The following ACTR10 variants were observed in gnomAD, a reference collection of about 807,000 sequenced individuals.
The protein encoded by ACTR10 is actin-related protein 10.
In ACTR10, 43 loss-of-function variants were observed where a neutral mutation model predicts 56.2. That is an observed-to-expected ratio of 0.77 (90% CI 0.60 to 0.99). The LOEUF is 0.99. ACTR10 is among the 50% of genes least tolerant of loss of function. The pLI is 0.00. For missense variants in ACTR10, 466 were observed against 507.8 expected (o/e 0.92, Z 0.79); for synonymous variants, 170 against 176.3 (o/e 0.96, Z 0.28).
At chr14:58,221,268 C>T (rs1022058649) in intron 8 of ACTR10, among the ~76,000 whole-genome samples, 1 of 122,142 alleles carries the variant, frequency 8.2e-6, no homozygotes, top group Admixed American at 1.0e-4. Flanking sequence ...GGCAACAGAG[C>T]GAGACTCTGT....
chr14:58,205,606 C>T (rs1424188349), intron 2 of ACTR10, among the ~76,000 whole-genome samples: 2 of 152,090 alleles, frequency 1.3e-5, no homozygotes, highest in African/African-American at 2.4e-5. Context: ...TGAGCCACTG[C>T]GCTCGGCCCA....
intron 8 of ACTR10, among the ~76,000 whole-genome samples, chr14:58,222,303 G>A (rs1374227329): frequency 1.3e-5 from 2 of 151,994 alleles, no homozygotes; most frequent in South Asian, 2.1e-4. Flanking sequence ...GCAGCTTATT[G>A]TAAAAAATAC....
chr14:58,222,829 A>G (rs61028816), intron 8 of ACTR10, among the ~76,000 whole-genome samples: 56,040 of 147,990 alleles, frequency 0.38, 11,688 homozygotes, highest in Non-Finnish European at 0.48. Flanking sequence ...TATTAATTTT[A>G]TTTCTTTTTT....
intron 8 of ACTR10, among the ~76,000 whole-genome samples, 176 bp downstream of exon 8, chr14:58,219,905 G>T (rs1453205197): frequency 6.6e-6 from 1 of 152,020 alleles, no homozygotes; most frequent in Admixed American, 6.6e-5. Context: ...TCACACTTAG[G>T]GAAGCTGTGG....
intron 7 of ACTR10, among the ~76,000 whole-genome samples, chr14:58,218,839 T>A (rs936815721): frequency 9.8e-5 from 15 of 152,322 alleles, no homozygotes; most frequent in South Asian, 6.2e-4. Flanking sequence ...TATTATTATT[T>A]TTTGAGACGG....
intron 1 of ACTR10, among the ~76,000 whole-genome samples, chr14:58,201,790 G>C (rs1888709618): frequency 6.6e-6 from 1 of 152,160 alleles, no homozygotes; most frequent in African/African-American, 2.4e-5. Flanking sequence ...CTGACCACTT[G>C]AGCCCAGTAG....
At position 58,235,383 on chromosome 14, in the gene ACTR10, T is replaced by G. The variant is rs1281795241; in HGVS notation, c.*832T>G. The G allele has an allele frequency of 1.3e-5, 2 of 152,330 alleles. No individual in the cohort carries two copies. The highest frequency in any genetic ancestry group is 6.5e-5 in the Admixed American group (1 of 15,298). 9.4% of individuals were successfully genotyped at this position (152,330 alleles called of 1,614,324 possible). ...TTTGGTAACATAGTCAAGCATTTGT[T>G]AAGCCAAGTGTGGAAATGTTCACTT... On this transcript the variant is annotated 3_prime_UTR_variant, in exon 13 of 13. Coordinates refer to ENST00000254286, the MANE Select transcript of ACTR10 (RefSeq NM_018477.3).
chr14:58,210,041 A>G (rs182642145), intron 4 of ACTR10, among the ~76,000 whole-genome samples: 11 of 152,362 alleles, frequency 7.2e-5, no homozygotes, highest in East Asian at 3.9e-4. Flanking sequence ...TAAGGAGAAC[A>G]TAAAGCAAAA....
At chr14:58,222,789 T>C (rs1389671059) in intron 8 of ACTR10, among the ~76,000 whole-genome samples, 8 of 144,122 alleles carry the variant, frequency 5.6e-5, no homozygotes, top group African/African-American at 1.0e-4. Flanking sequence ...AAAAAAAAAT[T>C]GGCGTTGTGT....
intron 12 of ACTR10, among the ~76,000 whole-genome samples, chr14:58,233,202 T>C (rs1889588374): frequency 6.6e-6 from 1 of 152,174 alleles, no homozygotes; most frequent in Non-Finnish European, 1.5e-5. Context: ...CATTTTAATG[T>C]CTTCTAAAGC....
At chr14:58,201,874 G>A (rs1387118565) in intron 1 of ACTR10, among the ~76,000 whole-genome samples, 1 of 151,894 alleles carries the variant, frequency 6.6e-6, no homozygotes, top group Non-Finnish European at 1.5e-5. Context: ...CGGTAGTGTC[G>A]TGCCCGAAAT....
chr14:58,219,735 C>T lies in ACTR10; in HGVS notation c.634+6C>T, dbSNP rs755125800. ...TGTCTTAGAGGACATTAAAGGTAAA[C>T]TAAGTTCTCATTTTTGTCCCTTTCA... On this transcript the variant is annotated splice_donor_region_variant and intron_variant, in intron 8 of 12. Coordinates refer to ENST00000254286, the MANE Select transcript of ACTR10 (RefSeq NM_018477.3). The T allele has an allele frequency of 6.6e-7, 1 of 1,516,878 alleles. No homozygotes were observed. Among genetic ancestry groups the T allele is most frequent in the Non-Finnish European group, 8.8e-7 (1 of 1,130,252 alleles). 94.0% of individuals were successfully genotyped at this position (1,516,878 alleles called of 1,614,324 possible). A position where few individuals can be genotyped will look rare whatever the true frequency, so the allele number is the denominator to read the frequency against.
At chr14:58,202,319 C>T (rs1304170699) in intron 1 of ACTR10, among the ~76,000 whole-genome samples, 19 of 151,872 alleles carry the variant, frequency 1.3e-4, no homozygotes, top group Admixed American at 2.0e-4. Context: ...CGGTGGCCCA[C>T]GCCTGTAATA....
intron 3 of ACTR10, among the ~76,000 whole-genome samples, chr14:58,208,518 T>G (rs1888919682): frequency 6.6e-6 from 1 of 152,082 alleles, no homozygotes; most frequent in African/African-American, 2.4e-5. Context: ...TGTCATAATA[T>G]TTGGAGCTTT....
Position 58,234,818 on chromosome 14 carries a change from CTTTTTTT to C in ACTR10, c.*282_*288del, listed in dbSNP as rs527714860. On this transcript the variant is annotated 3_prime_UTR_variant, in exon 13 of 13. Transcript: ENST00000254286. ...TTGATTTTGGAAGTTTGTTATGTGG[CTTTTTTT>C]TTTTTTTTTTTTTTGAGACGGAGTC... is the stretch of plus-strand genomic sequence containing the variant. 7.2e-5 allele frequency: 7 copies of C among 97,464 alleles called. No individual in the cohort carries two copies. The highest frequency in any genetic ancestry group is 2.5e-4 in the East Asian group (1 of 3,950). 6.0% of individuals were successfully genotyped at this position (97,464 alleles called of 1,614,324 possible). A position where few individuals can be genotyped will look rare whatever the true frequency, so the allele number is the denominator to read the frequency against.
At chr14:58,211,443 C>G (rs759421937) in intron 5 of ACTR10, 44 bp downstream of exon 5, 1 of 1,353,142 alleles carries the variant, frequency 7.4e-7, no homozygotes, top group African/African-American at 1.4e-5. Context: ...TTTTACTCTA[C>G]TTTAACTAAA....
At chr14:58,222,762 C>G (rs1594811584) in intron 8 of ACTR10, among the ~76,000 whole-genome samples, 1 of 38,392 alleles carries the variant, frequency 2.6e-5, no homozygotes. Flanking sequence ...GAGACTCTGT[C>G]AGAAAAAAAA....
chr14:58,222,249 T>C (rs192812310), intron 8 of ACTR10, among the ~76,000 whole-genome samples: 1 of 152,286 alleles, frequency 6.6e-6, no homozygotes, highest in Admixed American at 6.5e-5. Context: ...ATTTTGTCTC[T>C]ACTTTAAAAA....
In ACTR10 at chr14:58,232,076, A is replaced by G; in HGVS notation, c.881A>G (p.Asp294Gly). 6.2e-7 allele frequency: 1 copy of G among 1,612,804 alleles called. No homozygotes were observed. Among genetic ancestry groups the G allele is most frequent in the African/African-American group, 1.3e-5 (1 of 74,982 alleles). ...TCTTTTTAATAACAGTGTCCGATAG[A>G]CACCAGGAAGCAACTAGCAGAGAAT... ...ILDSLIQCPI[D>G]TRKQLAENLV... The change falls in exon 12 of 13, where the codon GAC becomes GGC. Residue 294 changes from aspartate to glycine, a missense_variant. By Grantham distance (94) the Asp-to-Gly change is moderately conservative (BLOSUM62 -1). Transcript: ENST00000254286.
Sources: allele counts gnomAD v4.1 joint callset (sites outside exome capture counted in the v4.1 genomes callset), GRCh38; gene constraint gnomAD v4.1.1; transcripts MANE v1.5; gene names NCBI Gene and HGNC (gene_info 2026-07-23, HGNC 2026-07-21).